The following ZMIZ1 variants were observed in gnomAD, a reference collection of about 807,000 sequenced individuals.
The protein encoded by ZMIZ1 is zinc finger MIZ-type containing 1.
In ZMIZ1, 17 loss-of-function variants were observed where a neutral mutation model predicts 113.9. The observed-to-expected ratio is 0.15, with a 90% CI of 0.10 to 0.22. ZMIZ1 has a LOEUF of 0.22. Among genes scored for constraint, ZMIZ1 ranks in the 10% least tolerant of loss-of-function variants. ZMIZ1 has a pLI of 1.00. For missense variants in ZMIZ1, 1,059 were observed against 1,477.8 expected (o/e 0.72, Z 4.65); for synonymous variants, 607 against 603.1 (o/e 1.01, Z -0.09).
At chr10:79,101,756 A>G (rs556028860) in intron 1 of ZMIZ1, among the ~76,000 whole-genome samples, 6 of 152,306 alleles carry the variant, frequency 3.9e-5, no homozygotes, top group African/African-American at 1.4e-4. Context: ...ATCATCTGCC[A>G]TGAAGACAGC....
chr10:79,206,864 T>A (rs980319590), intron 5 of ZMIZ1, among the ~76,000 whole-genome samples: 2 of 152,220 alleles, frequency 1.3e-5, no homozygotes, highest in African/African-American at 4.8e-5. Context: ...CTCCCTTTAC[T>A]TCCATGGAAG....
chr10:79,153,988 C>T (rs1845803441), intron 3 of ZMIZ1, among the ~76,000 whole-genome samples: 1 of 152,226 alleles, frequency 6.6e-6, no homozygotes, highest in Non-Finnish European at 1.5e-5. Context: ...CGAGAACACT[C>T]AGTGCTCAGT....
intron 4 of ZMIZ1, among the ~76,000 whole-genome samples, chr10:79,189,093 C>G (rs1370098669): frequency 6.6e-6 from 1 of 152,208 alleles, no homozygotes; most frequent in Non-Finnish European, 1.5e-5. Context: ...ATCGAGGCCA[C>G]TGCTGGAGGA....
intron 5 of ZMIZ1, among the ~76,000 whole-genome samples, chr10:79,206,191 T>A (rs1848311367): frequency 6.6e-6 from 1 of 151,800 alleles, no homozygotes; most frequent in African/African-American, 2.4e-5. Flanking sequence ...CCACACAAGC[T>A]GTCTGGGGTG....
In ZMIZ1 at chr10:79,277,192, T is replaced by C; in HGVS notation, c.292T>C (p.Ser98Pro). 2 of 1,553,644 alleles carry C rather than the reference T, an allele frequency of 1.3e-6. No individual in the cohort carries two copies. The highest frequency in any genetic ancestry group is 1.7e-6 in the Non-Finnish European group (2 of 1,149,822). Residue 98 changes from serine to proline, a missense_variant, in exon 8 of 25, where the codon TCC (serine) becomes CCC (proline). By Grantham distance (74) the Ser-to-Pro change is moderately conservative. This residue lies in a region of ZMIZ1 where 272 missense variants were observed against 350.4 expected (regional missense o/e 0.78). Coordinates refer to ENST00000334512, the MANE Select transcript of ZMIZ1 (RefSeq NM_020338.4). ...FTPKSAALLS[S>P]WCEELGRLLL... Reference sequence around the variant, plus strand: ...TGTCCTTCCTGCAGCCTTGTTGTCCTCCTGGTGCGAAGAGCTCGGCCGCCT... The same window carrying C: ...TGTCCTTCCTGCAGCCTTGTTGTCCCCCTGGTGCGAAGAGCTCGGCCGCCT...
chr10:79,270,436 G>A (rs1324757236), intron 7 of ZMIZ1, among the ~76,000 whole-genome samples: 1 of 152,200 alleles, frequency 6.6e-6, no homozygotes, highest in Non-Finnish European at 1.5e-5. Flanking sequence ...CTGGTGCAGG[G>A]CCCTTAGACA....
chr10:79,136,253 C>A lies in ZMIZ1; in HGVS notation c.-226-3429C>A, dbSNP rs372543697. 7.2e-5 allele frequency among the ~76,000 whole-genome samples: 11 copies of A among 152,358 alleles called. No individual in the cohort carries two copies. In the South Asian group the frequency reaches 2.3e-3, roughly 32 times the overall value. On this transcript the variant is annotated intron_variant, in intron 2 of 24. Transcript: ENST00000334512. ...AACAGGCCATGTGACTTTTGGCAAA[C>A]CTTCCCCCTCTCCCCACCCTCCAGG...
chr10:79,167,534 T>C (rs1054734579), intron 4 of ZMIZ1, among the ~76,000 whole-genome samples: 3 of 152,122 alleles, frequency 2.0e-5, no homozygotes, highest in Non-Finnish European at 2.9e-5. Context: ...CCTAAAGATA[T>C]ATCGAGGCAG....
At chr10:79,092,627 C>G (rs184805270) in intron 1 of ZMIZ1, among the ~76,000 whole-genome samples, 134 of 152,320 alleles carry the variant, frequency 8.8e-4, no homozygotes, top group African/African-American at 3.1e-3. Flanking sequence ...GTGTACGCTT[C>G]TTGGTCTCTG....
At chr10:79,080,619 T>A (rs1842629081) in intron 1 of ZMIZ1, among the ~76,000 whole-genome samples, 1 of 152,110 alleles carries the variant, frequency 6.6e-6, no homozygotes. Flanking sequence ...TCAGGTGTGA[T>A]TTCTTGTTTG....
intron 1 of ZMIZ1, among the ~76,000 whole-genome samples, chr10:79,114,326 C>A (rs181326343): frequency 1.3e-5 from 2 of 152,324 alleles, no homozygotes; most frequent in East Asian, 1.9e-4. Flanking sequence ...TCGCCGTCTC[C>A]GGTTTAGCGG....
chr10:79,196,081 T>C (rs1847820217), intron 4 of ZMIZ1, among the ~76,000 whole-genome samples: 1 of 152,148 alleles, frequency 6.6e-6, no homozygotes, highest in Admixed American at 6.5e-5. Context: ...CTTTGACCCT[T>C]TTACTCCAGA....
chr10:79,242,880 G>T (rs1849927097), intron 7 of ZMIZ1, among the ~76,000 whole-genome samples: 1 of 152,096 alleles, frequency 6.6e-6, no homozygotes, highest in Non-Finnish European at 1.5e-5. Context: ...CCACCCCTGC[G>T]TGCAAGTTTG....
At chr10:79,079,952 C>G (rs1424136887) in intron 1 of ZMIZ1, among the ~76,000 whole-genome samples, 1 of 152,204 alleles carries the variant, frequency 6.6e-6, no homozygotes, top group East Asian at 1.9e-4. Context: ...ACCACTGGCA[C>G]TTATATTGAG....
chr10:79,140,701 C>G (rs140979920), intron 3 of ZMIZ1, among the ~76,000 whole-genome samples: 1 of 152,300 alleles, frequency 6.6e-6, no homozygotes, highest in East Asian at 1.9e-4. Context: ...ATCCACCCAT[C>G]TATTTACTCT....
At chr10:79,298,324 T>C in intron 14 of ZMIZ1, 82 bp from the exon 15 acceptor site, 1 of 1,448,412 alleles carries the variant, frequency 6.9e-7, no homozygotes. Context: ...GCCCCTGGGA[T>C]GAGTGCGGTG....
At chr10:79,268,363 C>A (rs1851730629) in intron 7 of ZMIZ1, among the ~76,000 whole-genome samples, 1 of 152,194 alleles carries the variant, frequency 6.6e-6, no homozygotes, top group Non-Finnish European at 1.5e-5. Context: ...TGATGAGATT[C>A]CTTTCAGAAC....
chr10:79,267,056 C>T (rs568995981), intron 7 of ZMIZ1, among the ~76,000 whole-genome samples: 1 of 152,390 alleles, frequency 6.6e-6, no homozygotes, highest in East Asian at 1.9e-4. Flanking sequence ...GTCCCCCCAG[C>T]CCCTGTACCC....
rs1276539970 is a variant in ZMIZ1 at position 79,293,365 on chromosome 10, C to G, written c.958-16C>G. 1 of 1,499,282 alleles carries G rather than the reference C, an allele frequency of 6.7e-7. No homozygotes were observed. The highest frequency in any genetic ancestry group is 1.4e-5 in the African/African-American group (1 of 71,374). 92.9% of individuals were successfully genotyped at this position (1,499,282 alleles called of 1,614,324 possible). A position where few individuals can be genotyped will look rare whatever the true frequency, so the allele number is the denominator to read the frequency against. Reference sequence around the variant, plus strand: ...TTTTTTTTCTTCTCCCGTTGAAGGTCTGTTCCTCTTTCCAGATGGGTCCCA... The same window carrying G: ...TTTTTTTTCTTCTCCCGTTGAAGGTGTGTTCCTCTTTCCAGATGGGTCCCA... On this transcript the variant is annotated splice_polypyrimidine_tract_variant and intron_variant, in intron 11 of 24. Coordinates refer to ENST00000334512, the MANE Select transcript of ZMIZ1 (RefSeq NM_020338.4).
Sources: allele counts gnomAD v4.1 joint callset (sites outside exome capture counted in the v4.1 genomes callset), GRCh38; gene constraint gnomAD v4.1.1; regional missense constraint gnomAD v4.1.1; transcripts MANE v1.5; gene names NCBI Gene and HGNC (gene_info 2026-07-23, HGNC 2026-07-21).